The following MDH2 variants were observed in gnomAD, a reference collection of about 807,000 sequenced individuals.
MDH2 encodes malate dehydrogenase 2, also known as malate dehydrogenase, mitochondrial.
In MDH2, 25 loss-of-function variants were observed where a neutral mutation model predicts 33.6. The ratio of observed to expected loss-of-function variants is 0.74; its 90% CI spans 0.54 to 1.04. The LOEUF is 1.04. Among genes scored for constraint, MDH2 ranks in the 50% least tolerant of loss-of-function variants. MDH2 has a pLI of 0.00. For missense variants in MDH2, 432 were observed against 445.0 expected, an observed-to-expected ratio of 0.97 and a Z score of 0.26; for synonymous variants, 193 against 188.7, an observed-to-expected ratio of 1.02 and a Z score of -0.19.
intron 1 of MDH2, among the ~76,000 whole-genome samples, chr7:76,051,829 G>A (rs952694252): frequency 3.9e-5 from 6 of 152,202 alleles, no homozygotes; most frequent in African/African-American, 1.2e-4. Context: ...GCAGTGTGCT[G>A]TTGATAGCCA....
At chr7:76,066,182 G>C (rs2116707640) in intron 8 of MDH2, 97 bp from the exon 9 acceptor site, 1 of 1,478,984 alleles carries the variant, frequency 6.8e-7, no homozygotes, top group Non-Finnish European at 9.1e-7. Flanking sequence ...CATGTGTAGA[G>C]AGACTCCTCG....
intron 1 of MDH2, among the ~76,000 whole-genome samples, chr7:76,051,865 G>C (rs1554585501): frequency 6.6e-6 from 1 of 152,156 alleles, no homozygotes; most frequent in Non-Finnish European, 1.5e-5. Context: ...AAGGTCAGCG[G>C]GTCTGGAAGA....
intron 4 of MDH2, 86 bp from the exon 5 acceptor site, chr7:76,060,287 G>T: frequency 1.3e-6 from 2 of 1,550,802 alleles, no homozygotes; most frequent in South Asian, 1.2e-5. Context: ...CTTTGGGAAG[G>T]TCTGACAAAA....
intron 1 of MDH2, 174 bp downstream of exon 1, chr7:76,048,400 G>C (rs977829149): frequency 8.6e-7 from 1 of 1,161,714 alleles, no homozygotes; most frequent in Admixed American, 3.2e-5. Flanking sequence ...CTGGAGGTGC[G>C]GGGGAGAAAG....
chr7:76,053,584 GT>G (rs1797682665), intron 1 of MDH2, among the ~76,000 whole-genome samples: 1 of 152,130 alleles, frequency 6.6e-6, no homozygotes, highest in South Asian at 2.1e-4. Context: ...TCGGATTTTG[GT>G]TTGTTGGGTT....
At chr7:76,064,223 TC>T (rs1798031107) in intron 6 of MDH2, 115 bp from the exon 7 acceptor site, 1 of 669,154 alleles carries the variant, frequency 1.5e-6, no homozygotes, top group Non-Finnish European at 2.5e-6. Flanking sequence ...AGAAAACCTT[TC>T]CCATGCCCTG....
chr7:76,055,111 GTT>G, intron 2 of MDH2, 113 bp downstream of exon 2: 1 of 1,249,542 alleles, frequency 8.0e-7, no homozygotes, highest in East Asian at 2.6e-5. Context: ...GGGTTTCTCT[GTT>G]TTAAATTTAA....
rs11972240 is a variant in MDH2 at position 76,064,761 on chromosome 7, T to G, written c.734-41T>G. 552,975 of 1,583,594 alleles carry G rather than the reference T, an allele frequency of 0.35. 106,608 individuals carry two copies. Among genetic ancestry groups the G allele is most frequent in the African/African-American group, 0.73 (54,126 of 74,338 alleles). On this transcript the variant is annotated intron_variant, in intron 7 of 8. Coordinates refer to ENST00000315758, the MANE Select transcript of MDH2 (RefSeq NM_005918.4). ...GGGGCCGGCTCACCTGGGCGTCACG[T>G]TTGTGGCACCAGCCAGGCTGACCTG... is the stretch of plus-strand genomic sequence containing the variant.
intron 6 of MDH2, 132 bp downstream of exon 6, chr7:76,063,724 C>T (rs1235766012): frequency 1.2e-6 from 1 of 822,166 alleles, no homozygotes; most frequent in South Asian, 1.5e-5. Flanking sequence ...CTGTTGTAGG[C>T]AGCCCCGCCC....
intron 1 of MDH2, chr7:76,048,976 G>C (rs1797459616): frequency 5.6e-5 from 11 of 198,024 alleles, no homozygotes; most frequent in Non-Finnish European, 6.7e-5. Flanking sequence ...AGAAGCTTAA[G>C]ACTGCGGGGG....
At chr7:76,048,487 C>A in intron 1 of MDH2, 1 of 1,280,774 alleles carries the variant, frequency 7.8e-7, no homozygotes, top group Non-Finnish European at 1.0e-6. Context: ...TCCCAGATTT[C>A]CCAGAGGACC....
chr7:76,054,756 CATT>C, intron 1 of MDH2, 71 bp from the exon 2 acceptor site: 2 of 1,567,642 alleles, frequency 1.3e-6, no homozygotes, highest in Non-Finnish European at 1.8e-6. Flanking sequence ...CCCAGTGCAA[CATT>C]ATAGGATACC....
At chr7:76,060,316 G>A in intron 4 of MDH2, 57 bp from the exon 5 acceptor site, 1 of 1,600,740 alleles carries the variant, frequency 6.2e-7, no homozygotes, top group South Asian at 1.1e-5. Context: ...TCCTGCTGTG[G>A]CTTGGCCCTG....
At chr7:76,062,868 C>T (rs1373714862) in intron 5 of MDH2, among the ~76,000 whole-genome samples, 3 of 152,194 alleles carry the variant, frequency 2.0e-5, no homozygotes, top group African/African-American at 7.2e-5. Context: ...TGTGCCACTA[C>T]ACTCCAGCCT....
At position 76,060,365 on chromosome 7, in the gene MDH2, T is replaced by C; in HGVS notation, c.430-8T>C. 6.2e-7 allele frequency: 1 copy of C among 1,613,862 alleles called. No individual in the cohort carries two copies. Among genetic ancestry groups the C allele is most frequent in the Non-Finnish European group, 8.5e-7 (1 of 1,179,846 alleles). On this transcript the variant is annotated splice_region_variant and splice_polypyrimidine_tract_variant and intron_variant, in intron 4 of 8. Transcript: ENST00000315758. ...GGGCAAGCCATGCCTGTCTGTTGGA[T>C]GTCCTAGGTTAATTCCACCATCCCC...
At chr7:76,058,159 G>T in intron 4 of MDH2, 81 bp downstream of exon 4, 8 of 1,291,674 alleles carry the variant, frequency 6.2e-6, no homozygotes, top group Non-Finnish European at 8.7e-6. Context: ...ACGGTTTGCA[G>T]CAAAGGCTGC....
In MDH2 at chr7:76,048,213, G is replaced by T. The variant is rs1554584493; in HGVS notation, c.53G>T (p.Ser18Ile). ...PASAALRRSFSTSAQNNAKVA... is the reference protein window; with the variant it reads ...PASAALRRSFITSAQNNAKVA... ...AGCGCTGCTCTCCGCCGCAGCTTCA[G>T]CACCTCGGCCCAGGTAGGCCAGACG... The change falls in exon 1 of 9, where the codon AGC becomes ATC. Residue 18 changes from serine (S) to isoleucine (I), a missense_variant. By Grantham distance (142) the Ser-to-Ile change is moderately radical. Coordinates refer to ENST00000315758, the MANE Select transcript of MDH2 (RefSeq NM_005918.4). The T allele has an allele frequency of 2.6e-6, 4 of 1,535,798 alleles. No homozygotes were observed. Among genetic ancestry groups the T allele is most frequent in the Non-Finnish European group, 3.5e-6 (4 of 1,146,692 alleles).
At chr7:76,066,212 A>G in intron 8 of MDH2, 67 bp from the exon 9 acceptor site, 1 of 1,565,732 alleles carries the variant, frequency 6.4e-7, no homozygotes, top group Non-Finnish European at 8.7e-7. Context: ...ATGGAGCGAC[A>G]GGTCGGGGTT....
At chr7:76,057,620 C>G (rs1298023675) in intron 3 of MDH2, 127 bp downstream of exon 3, 3 of 913,676 alleles carry the variant, frequency 3.3e-6, no homozygotes, top group African/African-American at 1.7e-5. Flanking sequence ...GCTCCCCTTT[C>G]CTGTGGGGTA....
Sources: gnomAD v4.1 joint callset for allele counts (sites outside exome capture counted in the v4.1 genomes callset) on GRCh38, gnomAD v4.1.1 for gene constraint, MANE v1.5 for transcripts, NCBI Gene and HGNC (gene_info 2026-07-23, HGNC 2026-07-21) for gene names.